The following TSG101 variants were observed in gnomAD, a reference collection of about 807,000 sequenced individuals.
The protein encoded by TSG101 is tumor susceptibility 101.
In TSG101, 19 loss-of-function variants were observed where a neutral mutation model predicts 48.5. The ratio of observed to expected loss-of-function variants is 0.39; its 90% confidence interval spans 0.27 to 0.58. TSG101 has a LOEUF of 0.58. Among genes scored for constraint, TSG101 ranks in the 20% least tolerant of loss-of-function variants. The pLI is 0.55. For synonymous variants in TSG101, 174 were observed against 169.4 expected (o/e 1.03, Z -0.21); for missense variants, 365 against 484.4 (o/e 0.75, Z 2.31).
At chr11:18,490,473 G>T in intron 7 of TSG101, 1 of 515,706 alleles carries the variant, frequency 1.9e-6, no homozygotes, top group Non-Finnish European at 3.7e-6. Flanking sequence ...AAGTCAAACT[G>T]GATGTGTAGG....
At chr11:18,497,284 C>G (rs1849798951) in intron 7 of TSG101, among the ~76,000 whole-genome samples, 1 of 151,580 alleles carries the variant, frequency 6.6e-6, no homozygotes, top group Non-Finnish European at 1.5e-5. Context: ...ACTAAATGTT[C>G]AACTAATGAA....
At chr11:18,517,759 T>C (rs552269247) in intron 2 of TSG101, among the ~76,000 whole-genome samples, 16 of 152,300 alleles carry the variant, frequency 1.1e-4, no homozygotes, top group African/African-American at 3.8e-4. Flanking sequence ...AATGATGAAA[T>C]TGCCAAATAA....
intron 7 of TSG101, among the ~76,000 whole-genome samples, chr11:18,494,660 T>C (rs1346695747): frequency 6.6e-6 from 1 of 152,210 alleles, no homozygotes; most frequent in African/African-American, 2.4e-5. Context: ...AAAACGCTAC[T>C]TATCCTGAAG....
chr11:18,484,189 G>A (rs1374812128), intron 7 of TSG101, 117 bp from the exon 8 acceptor site: 3 of 971,044 alleles, frequency 3.1e-6, no homozygotes, highest in South Asian at 1.6e-5. Flanking sequence ...TGTGAGGAAA[G>A]AAAAAAATTA....
chr11:18,490,507 T>C, intron 7 of TSG101: 1 of 494,014 alleles, frequency 2.0e-6, no homozygotes, highest in Non-Finnish European at 3.9e-6. Context: ...TTCTTACTAA[T>C]TTCAAATGCT....
In TSG101 at chr11:18,519,554, A is replaced by C. The variant is rs1396693505; in HGVS notation, c.92T>G (p.Leu31Arg). The stretch of plus-strand genomic sequence containing the variant: ...CAAAACAGGTTTGAGATCTTTGTAT[A>C]GAGTAATAACATTGACAGTTTCACG... Reference protein sequence around the residue: ...TVRETVNVITLYKDLKPVLDS... With the variant: ...TVRETVNVITRYKDLKPVLDS... The change falls in exon 2 of 10, where the codon CTA becomes CGA. Residue 31 changes from leucine (L) to arginine (R), a missense_variant. Physicochemically the swap from Leu to Arg is moderately radical, Grantham distance 102 (BLOSUM62 -2). Coordinates refer to ENST00000251968, the MANE Select transcript of TSG101 (RefSeq NM_006292.4). 1 of 1,613,042 alleles carries C rather than the reference A, an allele frequency of 6.2e-7. No homozygotes were observed. Among genetic ancestry groups the C allele is most frequent in the African/African-American group, 1.3e-5 (1 of 75,028 alleles).
Position 18,506,841 on chromosome 11 carries a change from G to A in TSG101, c.548+16C>T. On this transcript the variant is annotated intron_variant, in intron 6 of 9. Coordinates refer to ENST00000251968, the MANE Select transcript of TSG101 (RefSeq NM_006292.4). ...GAATTTGTAATACAATTATTCAAAA[G>A]AACGTTTTTCATTACCTGGGATTGG... is the stretch of plus-strand genomic sequence containing the variant. The A allele has an allele frequency of 6.4e-7, 1 of 1,560,038 alleles. No individual in the cohort carries two copies. Among genetic ancestry groups the A allele is most frequent in the Non-Finnish European group, 8.7e-7 (1 of 1,148,900 alleles).
intron 1 of TSG101, among the ~76,000 whole-genome samples, chr11:18,524,883 A>G (rs1157793305): frequency 2.0e-5 from 3 of 151,564 alleles, no homozygotes; most frequent in Non-Finnish European, 4.4e-5. Context: ...TGCTCTTTAT[A>G]TGAATATACA....
At chr11:18,485,878 CAGCCTGA>C (rs1052590161) in intron 7 of TSG101, among the ~76,000 whole-genome samples, 14 of 152,252 alleles carry the variant, frequency 9.2e-5, no homozygotes, top group Non-Finnish European at 1.5e-4. Context: ...AAGCCAAAAA[CAGCCTGA>C]AGGCTGAAAG....
In TSG101 at chr11:18,492,448, A is replaced by G. The variant is rs1047020818; in HGVS notation, c.641-8376T>C. On this transcript the variant is annotated intron_variant, in intron 7 of 9. Transcript: ENST00000251968. The stretch of plus-strand genomic sequence containing the variant: ...TATCTGGTCTAATGGGTCAAATTAT[A>G]CTGATGCTAAATTTTTAAATCCTTA... Among the ~76,000 whole-genome samples the G allele has an allele frequency of 5.3e-5, 8 of 152,220 alleles. No homozygotes were observed. The South Asian group carries it at 1.7e-3, about 31-fold the overall frequency.
At chr11:18,517,062 T>C (rs1318280330) in intron 2 of TSG101, among the ~76,000 whole-genome samples, 1 of 152,238 alleles carries the variant, frequency 6.6e-6, no homozygotes, top group Non-Finnish European at 1.5e-5. Context: ...TTATTTATTA[T>C]TGTTTTTTGG....
intron 3 of TSG101, among the ~76,000 whole-genome samples, chr11:18,515,454 G>T (rs1412338466): frequency 6.6e-6 from 1 of 152,146 alleles, no homozygotes; most frequent in South Asian, 2.1e-4. Flanking sequence ...TAAGCTAAAT[G>T]CTTCCTCACC....
At chr11:18,503,875 G>C (rs1483690358) in intron 6 of TSG101, among the ~76,000 whole-genome samples, 3 of 151,980 alleles carry the variant, frequency 2.0e-5, no homozygotes, top group Non-Finnish European at 4.4e-5. Flanking sequence ...TATGACATTT[G>C]CCTTTTACAA....
At position 18,514,777 on chromosome 11, in the gene TSG101, G is replaced by C; in HGVS notation, c.258C>G (p.Ile86Met). The C allele has an allele frequency of 6.3e-7, 1 of 1,598,268 alleles. No individual in the cohort carries two copies. Among genetic ancestry groups the C allele is most frequent in the Non-Finnish European group, 8.5e-7 (1 of 1,174,736 alleles). The change falls in exon 4 of 10, where the codon ATC becomes ATG. Residue 86 changes from isoleucine to methionine, a missense_variant. Transcript: ENST00000251968. ...TTGAACTAGTAGGCTTAACAAAACA[G>C]ATAGGGGGATTATATGGGTATGTGT... ...LLDTYPYNPP[I>M]CFVKPTSSMT...
At position 18,526,828 on chromosome 11, in the gene TSG101, G is replaced by A. The variant is rs991377275; in HGVS notation, c.-12C>T. ...TCCGACACCGCCATGACGGCCGCCT[G>A]GCGACTCCCTTCCCCGCAGGCAGAG... is the stretch of plus-strand genomic sequence containing the variant. On this transcript the variant is annotated 5_prime_UTR_variant, in exon 1 of 10. Coordinates refer to ENST00000251968, the MANE Select transcript of TSG101 (RefSeq NM_006292.4). 1.9e-6 allele frequency: 3 copies of A among 1,601,216 alleles called. No homozygotes were observed.
chr11:18,481,571 A>G (rs940672899), intron 9 of TSG101, 59 bp downstream of exon 9: 1 of 1,562,156 alleles, frequency 6.4e-7, no homozygotes, highest in Non-Finnish European at 8.6e-7. Flanking sequence ...TGTGGTTTGC[A>G]AGGTCAGTGC....
intron 4 of TSG101, among the ~76,000 whole-genome samples, chr11:18,514,130 T>C (rs1850130934): frequency 6.6e-6 from 1 of 152,068 alleles, no homozygotes; most frequent in African/African-American, 2.4e-5. Flanking sequence ...GGAAAAGTTA[T>C]TGGCAGAACT....
intron 7 of TSG101, among the ~76,000 whole-genome samples, chr11:18,498,256 T>G (rs1849814992): frequency 6.6e-6 from 1 of 152,154 alleles, no homozygotes. Flanking sequence ...CCAAGAACTT[T>G]GGACTGAACT....
At chr11:18,494,667 G>C (rs965901634) in intron 7 of TSG101, among the ~76,000 whole-genome samples, 1 of 152,180 alleles carries the variant, frequency 6.6e-6, no homozygotes, top group African/African-American at 2.4e-5. Flanking sequence ...TACTTATCCT[G>C]AAGATGAGGC....
Sources: allele counts gnomAD v4.1 joint callset (sites outside exome capture counted in the v4.1 genomes callset), GRCh38; gene constraint gnomAD v4.1.1; transcripts MANE v1.5; gene names NCBI Gene and HGNC (gene_info 2026-07-23, HGNC 2026-07-21).